The following PIP4K2A variants were observed in gnomAD, a reference collection of about 807,000 sequenced individuals.
PIP4K2A encodes phosphatidylinositol 5-phosphate 4-kinase type-2 alpha.
Under a neutral mutation model 42.9 loss-of-function variants are expected in PIP4K2A, and 14 were observed. That is an observed-to-expected ratio of 0.33 (90% confidence interval 0.22 to 0.51). PIP4K2A has a LOEUF of 0.51. PIP4K2A is among the 20% of genes least tolerant of loss of function. The pLI is 0.97. For missense variants in PIP4K2A, 434 were observed against 519.8 expected (o/e 0.83, Z 1.61); for synonymous variants, 192 against 192.2 (o/e 1.00, Z 0.01).
intron 1 of PIP4K2A, among the ~76,000 whole-genome samples, chr10:22,689,511 T>A (rs990099873): frequency 2.2e-4 from 34 of 152,290 alleles, no homozygotes; most frequent in East Asian, 1.9e-4. Flanking sequence ...AGCACTTACA[T>A]TGTATTAAGT....
At chr10:22,556,602 G>C (rs1836556089) in intron 6 of PIP4K2A, among the ~76,000 whole-genome samples, 1 of 152,058 alleles carries the variant, frequency 6.6e-6, no homozygotes, top group African/African-American at 2.4e-5. Flanking sequence ...TTTTTTCTCA[G>C]CACATTATAA....
intron 1 of PIP4K2A, among the ~76,000 whole-genome samples, chr10:22,641,435 AT>A (rs998795271): frequency 2.4e-4 from 36 of 150,658 alleles, no homozygotes; most frequent in Admixed American, 1.8e-3. Flanking sequence ...ATACCTGATC[AT>A]TTTTTTTTCT....
At chr10:22,707,406 T>G (rs559001169) in intron 1 of PIP4K2A, among the ~76,000 whole-genome samples, 1 of 152,254 alleles carries the variant, frequency 6.6e-6, no homozygotes, top group East Asian at 1.9e-4. Flanking sequence ...TAAGTTACTG[T>G]TTTAAAACTC....
At chr10:22,675,193 C>T (rs1252141139) in intron 1 of PIP4K2A, among the ~76,000 whole-genome samples, 1 of 152,126 alleles carries the variant, frequency 6.6e-6, no homozygotes, top group African/African-American at 2.4e-5. Context: ...CATTTGTATT[C>T]ATGTAAGAGT....
At chr10:22,681,683 A>T (rs1234547669) in intron 1 of PIP4K2A, among the ~76,000 whole-genome samples, 1 of 152,074 alleles carries the variant, frequency 6.6e-6, no homozygotes, top group Admixed American at 6.5e-5. Context: ...TCTAAAAAAA[A>T]ATAAAATAAA....
intron 1 of PIP4K2A, among the ~76,000 whole-genome samples, chr10:22,655,064 ACT>A (rs1463743848): frequency 6.6e-6 from 1 of 152,098 alleles, no homozygotes; most frequent in Non-Finnish European, 1.5e-5. Flanking sequence ...ACAAAGTGAG[ACT>A]CTGTCTCTAA....
intron 1 of PIP4K2A, among the ~76,000 whole-genome samples, chr10:22,616,866 TA>T (rs1838187610): frequency 6.6e-6 from 1 of 152,162 alleles, no homozygotes; most frequent in Non-Finnish European, 1.5e-5. Context: ...CTTGTCATTT[TA>T]AAAAAGGGAA....
chr10:22,609,782 T>C, intron 1 of PIP4K2A, 65 bp from the exon 2 acceptor site: 3 of 945,434 alleles, frequency 3.2e-6, no homozygotes, highest in Non-Finnish European at 4.9e-6. Context: ...TTGACTTGAA[T>C]GTGTACCTTG....
At chr10:22,623,597 A>G (rs1838377836) in intron 1 of PIP4K2A, among the ~76,000 whole-genome samples, 2 of 152,176 alleles carry the variant, frequency 1.3e-5, no homozygotes, top group South Asian at 4.1e-4. Flanking sequence ...GTAGGAGCTT[A>G]GAGGTTGGCG....
chr10:22,687,780 T>C (rs1056101496), intron 1 of PIP4K2A, among the ~76,000 whole-genome samples: 1 of 152,226 alleles, frequency 6.6e-6, no homozygotes, highest in South Asian at 2.1e-4. Context: ...TGAATAGTTA[T>C]ATTGCATTTT....
intron 1 of PIP4K2A, among the ~76,000 whole-genome samples, chr10:22,627,209 A>G (rs1261644034): frequency 2.6e-5 from 4 of 152,210 alleles, no homozygotes; most frequent in Non-Finnish European, 2.9e-5. Context: ...CAAGCATGCA[A>G]TCTACCCAGA....
rs532294190 is a variant in PIP4K2A at position 22,652,343 on chromosome 10, A to G, written c.145-42626T>C. ...ACCATGTTGCCCAGGCTGGTATTGA[A>G]CTCCTGACCTCAAGTGATCCGCCTG... On this transcript the variant is annotated intron_variant, in intron 1 of 9. Coordinates refer to ENST00000376573, the MANE Select transcript of PIP4K2A (RefSeq NM_005028.5). Among the ~76,000 whole-genome samples the G allele has an allele frequency of 1.5e-4, 23 of 151,774 alleles. No individual in the cohort carries two copies. The South Asian group carries it at 4.6e-3, about 30-fold the overall frequency.
In PIP4K2A at chr10:22,550,695, CTTG is replaced by C; in HGVS notation, c.753_755del (p.Asn251del). 1 of 1,602,308 alleles carries C rather than the reference CTTG, an allele frequency of 6.2e-7. No homozygotes were observed. The highest frequency in any genetic ancestry group is 8.6e-7 in the Non-Finnish European group (1 of 1,169,082). ...TTTTTAGTTTTTCCAGGAAGACCTT[CTTG>C]TTGTTGTCATCAATATAAATCTTTT... On this transcript the variant is annotated inframe_deletion, in exon 7 of 10. Transcript: ENST00000376573.
chr10:22,679,547 C>G (rs1050887878), intron 1 of PIP4K2A, among the ~76,000 whole-genome samples: 3 of 152,174 alleles, frequency 2.0e-5, no homozygotes, highest in African/African-American at 7.2e-5. Flanking sequence ...AACAATTTCA[C>G]TACTAGGTAT....
chr10:22,675,416 T>C (rs1270964851), intron 1 of PIP4K2A, among the ~76,000 whole-genome samples: 1 of 152,088 alleles, frequency 6.6e-6, no homozygotes, highest in African/African-American at 2.4e-5. Flanking sequence ...TGAAACCCCA[T>C]CTCTACTAAA....
At chr10:22,713,979 G>T in intron 1 of PIP4K2A, 2 of 513,636 alleles carry the variant, frequency 3.9e-6, no homozygotes, top group Non-Finnish European at 6.9e-6. Context: ...TAGATCTAAA[G>T]GGGACGCAAG....
chr10:22,546,827 G>T (rs1836268325), intron 7 of PIP4K2A, among the ~76,000 whole-genome samples: 1 of 152,114 alleles, frequency 6.6e-6, no homozygotes, highest in African/African-American at 2.4e-5. Flanking sequence ...AGGGGGCGTG[G>T]GCTTCACTGC....
intron 1 of PIP4K2A, among the ~76,000 whole-genome samples, chr10:22,676,762 C>T (rs1283581284): frequency 6.6e-6 from 1 of 152,158 alleles, no homozygotes; most frequent in Non-Finnish European, 1.5e-5. Flanking sequence ...CTGAATGAAA[C>T]AGAAAACATT....
At chr10:22,571,899 G>A (rs984305306) in intron 5 of PIP4K2A, among the ~76,000 whole-genome samples, 1 of 152,160 alleles carries the variant, frequency 6.6e-6, no homozygotes, top group Non-Finnish European at 1.5e-5. Flanking sequence ...ACGGAGATTT[G>A]CAAAAATGTA....
Sources: allele counts gnomAD v4.1 joint callset (sites outside exome capture counted in the v4.1 genomes callset), GRCh38; gene constraint gnomAD v4.1.1; transcripts MANE v1.5; gene names NCBI Gene and HGNC (gene_info 2026-07-23, HGNC 2026-07-21).